PPM1K: variants seen among roughly 807,000 people sequenced by gnomAD.
PPM1K encodes protein phosphatase Mn(2+)-dependent 1K.
PPM1K carries 19 observed loss-of-function variants against 32.6 expected under a neutral mutation model. That is an observed-to-expected ratio of 0.58 (90% CI 0.41 to 0.86). The LOEUF is 0.86. PPM1K is among the 40% of genes least tolerant of loss of function. The pLI, the probability that PPM1K is intolerant of heterozygous loss-of-function variation, is 0.00. For missense variants in PPM1K, 362 were observed against 461.2 expected (o/e 0.78, Z 1.97); for synonymous variants, 159 against 165.3 (o/e 0.96, Z 0.29).
rs761184407 is a variant in PPM1K, at chr4:88,268,952, T to C, written c.542-46A>G. 43 of 1,472,752 alleles carry C rather than the reference T, an allele frequency of 2.9e-5. No homozygotes were observed. The African/African-American group carries it at 5.8e-4, about 20-fold the overall frequency. The allele number at this position is 1,472,752 out of a possible 1,614,324, so 91.2% of individuals were successfully genotyped here. On this transcript the variant is annotated intron_variant, in intron 3 of 6. Transcript: ENST00000608933. Reference sequence around the variant, plus strand: ...AGAGTACAAGTTAGTGACAGTCAAATGATTGGATATGGAATTTTTATTACA... The same window carrying C: ...AGAGTACAAGTTAGTGACAGTCAAACGATTGGATATGGAATTTTTATTACA...
At chr4:88,284,095 C>T (rs1353578689) in intron 1 of PPM1K, 2 of 151,956 alleles carry the variant, frequency 1.3e-5, no homozygotes, top group African/African-American at 4.8e-5. Context: ...GCCCTCCAGC[C>T]TGCGGCCACA....
Position 88,278,206 on chromosome 4 carries a change from A to G in PPM1K, c.378T>C (p.Tyr126=). The part of the protein sequence containing the change: ...LTDEVLYFAV[Y]DGHGGPAAAD... ...CTGCTGCAGGTCCACCGTGTCCATC[A>G]TACACTGCAAAGTACAGGACCTCAT... The change falls in exon 2 of 7, where the codon TAT becomes TAC. Residue 126 remains tyrosine (Y), a synonymous_variant. Transcript: ENST00000608933. The surrounding 1 kb of genome is among the most constrained non-coding windows in gnomAD (Gnocchi z 4.2). The G allele has an allele frequency of 5.6e-6, 9 of 1,614,208 alleles. No homozygotes were observed. Among genetic ancestry groups the G allele is most frequent in the Non-Finnish European group, 7.6e-6 (9 of 1,180,034 alleles).
At chr4:88,269,284 G>GGGATGACTTAGGTC (rs1463527099) in intron 3 of PPM1K, among the ~76,000 whole-genome samples, 4 of 152,134 alleles carry the variant, frequency 2.6e-5, no homozygotes, top group Non-Finnish European at 4.4e-5. Flanking sequence ...CTATGATGGT[G>GGGATGACTTAGGTC]GGATGACTTA....
intron 3 of PPM1K, among the ~76,000 whole-genome samples, chr4:88,273,675 G>T: frequency 7.0e-6 from 1 of 143,272 alleles, no homozygotes; most frequent in Non-Finnish European, 1.5e-5. Context: ...GAGCAAAACT[G>T]TCTCAAAAAA....
intron 1 of PPM1K, 139 bp downstream of exon 1, chr4:88,284,260 TCGGGGGG>T (rs1732148137): frequency 1.3e-5 from 2 of 152,432 alleles, no homozygotes; most frequent in South Asian, 4.1e-4. Flanking sequence ...AAGCGCCGAC[TCGGGGGG>T]CGGGGGAACG....
chr4:88,268,552 T>C (rs747451604), intron 4 of PPM1K, among the ~76,000 whole-genome samples, 189 bp downstream of exon 4: 4 of 151,550 alleles, frequency 2.6e-5, no homozygotes, highest in Admixed American at 6.6e-5. Flanking sequence ...ACCCGGGAGG[T>C]GGAGCTTGCA....
At chr4:88,266,096 T>C (rs978956739) in intron 5 of PPM1K, among the ~76,000 whole-genome samples, 4 of 152,238 alleles carry the variant, frequency 2.6e-5, no homozygotes, top group Non-Finnish European at 5.9e-5. Context: ...GTGGGATATC[T>C]ATAACACACG....
chr4:88,267,199 A>T (rs1224302805), intron 5 of PPM1K, among the ~76,000 whole-genome samples: 1 of 135,802 alleles, frequency 7.4e-6, no homozygotes, highest in Non-Finnish European at 1.5e-5. Flanking sequence ...ATGCTGATTG[A>T]TTGGGTGCAG....
In PPM1K at chr4:88,277,077, T is replaced by G. The variant is rs549415427; in HGVS notation, c.541+66A>C. The G allele has an allele frequency of 2.7e-5, 33 of 1,238,024 alleles. No homozygotes were observed. In the South Asian group the frequency reaches 3.7e-4, roughly 14 times the overall value. The allele number at this position is 1,238,024 out of a possible 1,614,324, so 76.7% of individuals were successfully genotyped here. A position where few individuals can be genotyped will look rare whatever the true frequency, so the allele number is the denominator to read the frequency against. The stretch of plus-strand genomic sequence containing the variant: ...CCTCCCCCAAAGGACTTAAAGTGTT[T>G]CCTTTTTACTCCTCCCCCACCCCAT... On this transcript the variant is annotated intron_variant, in intron 3 of 6. Coordinates refer to ENST00000608933, the MANE Select transcript of PPM1K (RefSeq NM_152542.5).
chr4:88,269,555 G>A (rs931091899), intron 3 of PPM1K, among the ~76,000 whole-genome samples: 4 of 152,160 alleles, frequency 2.6e-5, no homozygotes, highest in Middle Eastern at 3.2e-3. Flanking sequence ...CTCCCTAGAC[G>A]TGAAACAAAG....
At chr4:88,264,304 A>G (rs1309103396) in intron 6 of PPM1K, among the ~76,000 whole-genome samples, 1 of 152,238 alleles carries the variant, frequency 6.6e-6, no homozygotes, top group East Asian at 1.9e-4. Flanking sequence ...AATAATACGA[A>G]GCATAGTTTA....
chr4:88,270,946 C>A, intron 3 of PPM1K: 1 of 322,980 alleles, frequency 3.1e-6, no homozygotes, highest in Non-Finnish European at 6.2e-6. Flanking sequence ...CACTTTTTGC[C>A]TAACAACAAA....
intron 1 of PPM1K, among the ~76,000 whole-genome samples, chr4:88,281,211 G>A (rs550416905): frequency 3.9e-5 from 6 of 152,082 alleles, no homozygotes; most frequent in East Asian, 1.9e-4. Context: ...TTTTGGCTTC[G>A]GTCTGAAAGT....
chr4:88,276,996 C>T lies in PPM1K; in HGVS notation c.541+147G>A, dbSNP rs1731790622. The T allele has an allele frequency of 8.7e-6, 6 of 687,546 alleles. No homozygotes were observed. The South Asian group carries it at 1.5e-4, about 18-fold the overall frequency. 42.6% of individuals were successfully genotyped at this position (687,546 alleles called of 1,614,324 possible). On this transcript the variant is annotated intron_variant, in intron 3 of 6. Transcript: ENST00000608933. ...GTTCCCAACAGCATTTAATGTGATT[C>T]TTCATATAAACTCATTTCTACATAA...
At position 88,259,553 on chromosome 4, in the gene PPM1K, A is replaced by G. The variant is rs1405631028; in HGVS notation, c.*3042T>C. ...CTATACCCACATGGCAAATTCAGTT[A>G]TAACTGAAAAACTAGAGCAGTCCCT... On this transcript the variant is annotated 3_prime_UTR_variant, in exon 7 of 7. Coordinates refer to ENST00000608933, the MANE Select transcript of PPM1K (RefSeq NM_152542.5). The G allele has an allele frequency of 1.3e-5, 2 of 152,148 alleles. No homozygotes were observed. The allele number at this position is 152,148 out of a possible 1,614,324, so 9.4% of individuals were successfully genotyped here. A position where few individuals can be genotyped will look rare whatever the true frequency, so the allele number is the denominator to read the frequency against.
At chr4:88,275,734 G>A (rs148796021) in intron 3 of PPM1K, 1 of 985,334 alleles carries the variant, frequency 1.0e-6, no homozygotes, top group East Asian at 1.1e-4. Context: ...CAGTTACTAT[G>A]AAATAAGAGC....
At chr4:88,277,920 T>C (rs1731847331) in intron 2 of PPM1K, 1 of 576,946 alleles carries the variant, frequency 1.7e-6, no homozygotes. Context: ...GTGCTATAGA[T>C]TTTGGTTAAT....
chr4:88,263,913 C>T (rs1360539053), intron 6 of PPM1K, among the ~76,000 whole-genome samples: 1 of 152,140 alleles, frequency 6.6e-6, no homozygotes, highest in Non-Finnish European at 1.5e-5. Flanking sequence ...TATTACTGGG[C>T]TTCCTCTATA....
rs1416336960 is a variant in PPM1K, at chr4:88,259,038, G to C, written c.*3557C>G. On this transcript the variant is annotated 3_prime_UTR_variant, in exon 7 of 7. Coordinates refer to ENST00000608933, the MANE Select transcript of PPM1K (RefSeq NM_152542.5). ...GGAGGCGCAGCTTGCAGTGAGCCGA[G>C]ATCGTGCCACTGCACTCCAGCCTGG... The C allele has an allele frequency of 2.6e-5, 4 of 151,100 alleles. No individual in the cohort carries two copies. Among genetic ancestry groups the C allele is most frequent in the Non-Finnish European group, 5.9e-5 (4 of 67,974 alleles). The allele number at this position is 151,100 out of a possible 1,614,324, so 9.4% of individuals were successfully genotyped here. A position where few individuals can be genotyped will look rare whatever the true frequency, so the allele number is the denominator to read the frequency against.
Sources: gnomAD v4.1 joint callset for allele counts (sites outside exome capture counted in the v4.1 genomes callset) on GRCh38, gnomAD v4.1.1 for gene constraint, Gnocchi (gnomAD v3.1) non-coding constraint, MANE v1.5 for transcripts, NCBI Gene and HGNC (gene_info 2026-07-23, HGNC 2026-07-21) for gene names.